The following HGS variants were observed in gnomAD, a reference collection of about 807,000 sequenced individuals.
HGS encodes human growth factor-regulated tyrosine kinase substrate.
Under a neutral mutation model 109.7 loss-of-function variants are expected in HGS, and 63 were observed. The observed-to-expected ratio is 0.57, with a 90% confidence interval of 0.47 to 0.71. The LOEUF is 0.71. Ranked by LOEUF, HGS falls within the 30% of genes least tolerant of loss-of-function variation. HGS has a pLI of 0.00. For synonymous variants in HGS, 546 were observed against 437.3 expected, an observed-to-expected ratio of 1.25 and a Z score of -3.10; for missense variants, 995 against 1,068.3, an observed-to-expected ratio of 0.93 and a Z score of 0.96.
Position 81,700,130 on chromosome 17 carries a change from G to A in HGS, c.1883-337G>A, listed in dbSNP as rs1456766922. Among the ~76,000 whole-genome samples the A allele has an allele frequency of 2.6e-5, 4 of 152,064 alleles. No homozygotes were observed. The South Asian group carries it at 6.2e-4, about 24-fold the overall frequency. On this transcript the variant is annotated intron_variant, in intron 18 of 21. Transcript: ENST00000329138. ...GCCTGTAATCCCAGCACTTTGGGAGGCCGAGGCGGGCGGATCACAAGGTCA... is the reference window on the plus strand; with the variant it reads ...GCCTGTAATCCCAGCACTTTGGGAGACCGAGGCGGGCGGATCACAAGGTCA...
chr17:81,690,268 C>T lies in HGS; in HGVS notation c.468+34C>T, dbSNP rs572421434. The T allele has an allele frequency of 7.1e-5, 114 of 1,609,872 alleles. 1 individual carries two copies. In the South Asian group the frequency reaches 1.1e-3, roughly 16 times the overall value. ...GGGCGGCCGCCAGGGGTTCTGGAGT[C>T]GGGCTGCTCAGGAAGCGTGAAGGGG... is the stretch of plus-strand genomic sequence containing the variant. On this transcript the variant is annotated intron_variant, in intron 6 of 21. Coordinates refer to ENST00000329138, the MANE Select transcript of HGS (RefSeq NM_004712.5).
Position 81,691,284 on chromosome 17 carries a change from G to T in HGS, c.538-163G>T. On this transcript the variant is annotated intron_variant, in intron 7 of 21. Coordinates refer to ENST00000329138, the MANE Select transcript of HGS (RefSeq NM_004712.5). This position sits in a 1 kb window ranked among gnomAD's most constrained non-coding sequence, Gnocchi z 5.3. Reference sequence around the variant, plus strand: ...GTTGAGACTCCCGGGAGCATGTCCAGGTTCCCCGGCCTTAGGGTCTTCCCA... The same window carrying T: ...GTTGAGACTCCCGGGAGCATGTCCATGTTCCCCGGCCTTAGGGTCTTCCCA... The T allele has an allele frequency of 3.7e-6, 3 of 804,016 alleles. No individual in the cohort carries two copies. 49.8% of individuals were successfully genotyped at this position (804,016 alleles called of 1,614,324 possible).
intron 18 of HGS, chr17:81,697,203 A>G (rs1320474364): frequency 3.5e-6 from 2 of 579,230 alleles, no homozygotes; most frequent in Non-Finnish European, 5.9e-6. Context: ...CGTGGCAGGT[A>G]CTGCCCTCTC....
At chr17:81,687,475 C>T (rs563570075) in intron 4 of HGS, among the ~76,000 whole-genome samples, 28 of 152,166 alleles carry the variant, frequency 1.8e-4, no homozygotes, top group South Asian at 6.2e-4. Flanking sequence ...GGCTGTGGTC[C>T]GGAGGGCAGG....
intron 11 of HGS, 99 bp from the exon 12 acceptor site, chr17:81,694,716 G>T: frequency 1.4e-6 from 2 of 1,455,746 alleles, no homozygotes; most frequent in Non-Finnish European, 9.6e-7. Flanking sequence ...CCAGGCTGCG[G>T]CTCTGGTCTC....
rs1309290552 is a variant in HGS, at chr17:81,700,731, ATC to A, written c.2058_2059del (p.Gln687AlafsTer153). Reference sequence around the variant, plus strand: ...CCAGGCCCCACAGAGCCTCCCGGCCATCTCTCAGCCTCCGCAGTCCAGCACCA... The same window carrying A: ...CCAGGCCCCACAGAGCCTCCCGGCCATCTCAGCCTCCGCAGTCCAGCACCA... ...ASQAPQSLPA[I>X]SQPPQSSTMG... On this transcript the variant is annotated frameshift_variant, in exon 20 of 22. Coordinates refer to ENST00000329138, the MANE Select transcript of HGS (RefSeq NM_004712.5). LOFTEE classifies it high-confidence loss of function. 6.4e-7 allele frequency: 1 copy of A among 1,565,552 alleles called. No homozygotes were observed. Among genetic ancestry groups the A allele is most frequent in the Non-Finnish European group, 8.7e-7 (1 of 1,152,342 alleles).
chr17:81,694,726 C>G, intron 11 of HGS, 89 bp from the exon 12 acceptor site: 1 of 1,546,282 alleles, frequency 6.5e-7, no homozygotes, highest in South Asian at 1.1e-5. Flanking sequence ...GCTCTGGTCT[C>G]CAGGATCTGT....
At chr17:81,695,750 T>C (rs756091928) in intron 14 of HGS, 36 bp from the exon 15 acceptor site, 2 of 1,604,706 alleles carry the variant, frequency 1.2e-6, no homozygotes, top group East Asian at 2.2e-5. Flanking sequence ...GGCTGGGGCG[T>C]GGCCGCACTC....
intron 2 of HGS, among the ~76,000 whole-genome samples, 181 bp downstream of exon 2, chr17:81,685,870 C>T (rs781192366): frequency 6.6e-6 from 1 of 152,184 alleles, no homozygotes; most frequent in Admixed American, 6.5e-5. Context: ...TTTCTCTGTA[C>T]AGCTTGCAGA....
chr17:81,694,629 G>C (rs1374300556), intron 11 of HGS, among the ~76,000 whole-genome samples, 186 bp from the exon 12 acceptor site: 2 of 152,224 alleles, frequency 1.3e-5, no homozygotes, highest in African/African-American at 4.8e-5. Flanking sequence ...AGCCTCTGTG[G>C]AGTTCTAAGC....
intron 1 of HGS, among the ~76,000 whole-genome samples, chr17:81,684,644 G>C (rs981332905): frequency 6.6e-6 from 1 of 152,186 alleles, no homozygotes; most frequent in Non-Finnish European, 1.5e-5. Flanking sequence ...TCACGTTTTT[G>C]GAGGTGAAAG....
chr17:81,687,597 T>C (rs1342099500), intron 4 of HGS, among the ~76,000 whole-genome samples: 1 of 152,178 alleles, frequency 6.6e-6, no homozygotes, highest in African/African-American at 2.4e-5. Flanking sequence ...CTTCATGCTT[T>C]CCTGGGCAGA....
rs1371144964 is a variant in HGS at position 81,695,800 on chromosome 17, T to C, written c.1194T>C (p.Asn398=). 1.2e-6 allele frequency: 2 copies of C among 1,613,366 alleles called. No individual in the cohort carries two copies. Among genetic ancestry groups the C allele is most frequent in the South Asian group, 2.2e-5 (2 of 91,078 alleles). The stretch of plus-strand genomic sequence containing the variant: ...TCTGCCTGCAGCCACAGTTCCACAA[T>C]GGCGAGTCTGAGGAGAGCCACGAGC... The part of the protein sequence containing the change: ...GGPFSEPQFH[N]GESEESHEQF... The change falls in exon 15 of 22, where the codon AAT becomes AAC. Residue 398 remains asparagine (N), a synonymous_variant. Coordinates refer to ENST00000329138, the MANE Select transcript of HGS (RefSeq NM_004712.5).
chr17:81,693,460 G>A (rs748155897), intron 8 of HGS, 43 bp from the exon 9 acceptor site: 13 of 1,450,072 alleles, frequency 9.0e-6, no homozygotes, highest in South Asian at 5.8e-5. Flanking sequence ...GGGGCAGGGC[G>A]GTGTCAGCGC....
chr17:81,692,017 G>A (rs930637755), intron 8 of HGS: 4 of 186,288 alleles, frequency 2.1e-5, no homozygotes, highest in Non-Finnish European at 4.6e-5. Context: ...GCGCGTGCGT[G>A]TGTTCACACA....
Position 81,691,322 on chromosome 17 carries a change from G to C in HGS, c.538-125G>C. The C allele has an allele frequency of 8.3e-7, 1 of 1,211,232 alleles. No homozygotes were observed. The highest frequency in any genetic ancestry group is 1.2e-6 in the Non-Finnish European group (1 of 844,010). The allele number at this position is 1,211,232 out of a possible 1,614,324, so 75.0% of individuals were successfully genotyped here. A position where few individuals can be genotyped will look rare whatever the true frequency, so the allele number is the denominator to read the frequency against. On this transcript the variant is annotated intron_variant, in intron 7 of 21. Transcript: ENST00000329138. This position sits in a 1 kb window ranked among gnomAD's most constrained non-coding sequence, Gnocchi z 5.3. ...TAGGGTCTTCCCAGGCACTTGTTCT[G>C]CTTGTCCCTTGCCTTCCCCCACCTG...
At position 81,693,933 on chromosome 17, in the gene HGS, C is replaced by A. The variant is rs756909575; in HGVS notation, c.904C>A (p.Pro302Thr). ...GCCCATGCCCTCGGCCTCCTCAGCG[C>A]CCCCCGCCAGCAGCCTGTACTCTTC... is the stretch of plus-strand genomic sequence containing the variant. ...AEPMPSASSA[P>T]PASSLYSSPV... is the part of the protein sequence containing the mutation. The change falls in exon 11 of 22, where the codon CCC (proline) becomes ACC (threonine). Residue 302 changes from proline to threonine, a missense_variant. Transcript: ENST00000329138. The A allele has an allele frequency of 1.9e-6, 3 of 1,611,026 alleles. No homozygotes were observed. The South Asian group carries it at 3.3e-5, about 18-fold the overall frequency.
chr17:81,692,607 T>G (rs914069903), intron 8 of HGS: 1 of 152,288 alleles, frequency 6.6e-6, no homozygotes, highest in African/African-American at 2.4e-5. Flanking sequence ...GCGCCATTCC[T>G]GCCTTCACAC....
rs774686599 is a variant in HGS at position 81,693,852 on chromosome 17, C to T, written c.841-18C>T. On this transcript the variant is annotated intron_variant, in intron 10 of 21. Transcript: ENST00000329138. ...CGTCACGTGCACCCAAGTGACGCCC[C>T]TTCTGATTCTGCCTCAGAGACAGAA... 14 of 1,593,358 alleles carry T rather than the reference C, an allele frequency of 8.8e-6. No individual in the cohort carries two copies. In the Admixed American group the frequency reaches 1.9e-4, roughly 22 times the overall value.
Sources: gnomAD v4.1 joint callset for allele counts (sites outside exome capture counted in the v4.1 genomes callset) on GRCh38, gnomAD v4.1.1 for gene constraint, Gnocchi (gnomAD v3.1) non-coding constraint, MANE v1.5 for transcripts, NCBI Gene and HGNC (gene_info 2026-07-23, HGNC 2026-07-21) for gene names.